Variants in UGDH observed in about 807,000 individuals in gnomAD.
UGDH encodes the protein UDP-Glc dehydrogenase.
A neutral mutation model predicts 50.6 loss-of-function variants in UGDH; 38 were observed. The ratio of observed to expected loss-of-function variants is 0.75; its 90% CI spans 0.58 to 0.98. The LOEUF is 0.98. Among genes scored for constraint, UGDH ranks in the 50% least tolerant of loss-of-function variants. The probability of loss-of-function intolerance (pLI) is 0.00; values close to 1 mark genes in which losing one functional copy is unlikely to be tolerated. For synonymous variants in UGDH, 168 were observed against 199.9 expected, an observed-to-expected ratio of 0.84 and a Z score of 1.35; for missense variants, 465 against 606.2, an observed-to-expected ratio of 0.77 and a Z score of 2.45.
At chr4:39,518,381 C>T (rs12508542) in intron 2 of UGDH, among the ~76,000 whole-genome samples, 34,615 of 151,958 alleles carry the variant, frequency 0.23, 4,935 homozygotes, top group South Asian at 0.32. Flanking sequence ...CAGGGTCTCA[C>T]TTTGTTGCCC....
chr4:39,526,995 T>C, intron 1 of UGDH: 1 of 1,287,828 alleles, frequency 7.8e-7, no homozygotes, highest in Non-Finnish European at 1.0e-6. Context: ...GGCAGGGAAA[T>C]CTCATCCAAG....
At chr4:39,514,893 G>T (rs1311766161) in intron 2 of UGDH, among the ~76,000 whole-genome samples, 1 of 152,048 alleles carries the variant, frequency 6.6e-6, no homozygotes, top group African/African-American at 2.4e-5. Context: ...TGTTGGCTAG[G>T]ATGGTCTTGA....
intron 11 of UGDH, among the ~76,000 whole-genome samples, chr4:39,500,821 A>C (rs971867649): frequency 6.6e-6 from 1 of 151,270 alleles, no homozygotes; most frequent in Admixed American, 6.6e-5. Flanking sequence ...CACCTGGCTA[A>C]TTTTTGTATT....
intron 1 of UGDH, 74 bp from the exon 2 acceptor site, chr4:39,521,593 A>G: frequency 1.6e-6 from 2 of 1,228,318 alleles, no homozygotes; most frequent in East Asian, 3.0e-5. Context: ...TACATTAATT[A>G]TACTTTATAA....
chr4:39,505,904 T>TTA (rs1746007529), intron 7 of UGDH, among the ~76,000 whole-genome samples, 156 bp from the exon 8 acceptor site: 1 of 144,342 alleles, frequency 6.9e-6, no homozygotes, highest in African/African-American at 2.6e-5. Flanking sequence ...GCCTATGGAT[T>TTA]AAAAAAAAAA....
chr4:39,509,583 T>C (rs999942279), intron 6 of UGDH, among the ~76,000 whole-genome samples, 177 bp downstream of exon 6: 3 of 152,168 alleles, frequency 2.0e-5, no homozygotes, highest in African/African-American at 7.2e-5. Flanking sequence ...CTGCATGACT[T>C]TGAGCAAGTT....
At chr4:39,527,107 T>C (rs981871461) in intron 1 of UGDH, 176 bp downstream of exon 1, 2 of 1,289,048 alleles carry the variant, frequency 1.6e-6, no homozygotes, top group Non-Finnish European at 2.0e-6. Context: ...AGTTCCAAAA[T>C]GCGGTTCCCG....
In UGDH at chr4:39,504,403, TTC is replaced by T. The variant is rs1745948285; in HGVS notation, c.1263+12_1263+13del. 1 of 1,612,744 alleles carries T rather than the reference TTC, an allele frequency of 6.2e-7. No individual in the cohort carries two copies. Among genetic ancestry groups the T allele is most frequent in the African/African-American group, 1.3e-5 (1 of 74,910 alleles). ...CCTCTAGAATTTTCCTTAGTATCTT[TTC>T]TGTTACCTTACCTTAAACATGTCCC... is the stretch of plus-strand genomic sequence containing the variant. On this transcript the variant is annotated intron_variant, in intron 10 of 11. Transcript: ENST00000316423.
chr4:39,507,564 G>A (rs558429302), intron 7 of UGDH, among the ~76,000 whole-genome samples: 15 of 152,064 alleles, frequency 9.9e-5, no homozygotes, highest in Non-Finnish European at 1.6e-4. Flanking sequence ...TCAGGCTCCC[G>A]AAGTACAGGG....
chr4:39,524,595 C>T (rs1031344794), intron 1 of UGDH, among the ~76,000 whole-genome samples: 3 of 151,952 alleles, frequency 2.0e-5, no homozygotes, highest in Non-Finnish European at 4.4e-5. Context: ...CTCCGCCTCC[C>T]AGGTTCAAGT....
intron 11 of UGDH, among the ~76,000 whole-genome samples, chr4:39,502,135 G>A (rs1745842066): frequency 6.6e-6 from 1 of 151,838 alleles, no homozygotes; most frequent in Admixed American, 6.6e-5. Flanking sequence ...TTTTCCCTTA[G>A]ATGAGTAAAA....
rs769243823 is a variant in UGDH, at chr4:39,514,133, A to G, written c.214T>C (p.Ser72Pro). 1.1e-5 allele frequency: 18 copies of G among 1,576,406 alleles called. No individual in the cohort carries two copies. Among genetic ancestry groups the G allele is most frequent in the Admixed American group, 6.3e-5 (3 of 47,472 alleles). Reference protein sequence around the residue: ...ESCRGKNLFFSTNIDDAIKEA... With the variant: ...ESCRGKNLFFPTNIDDAIKEA... ...TTGATGGCATCATCAATATTGGTAG[A>G]AAAAAAAAGATTTTTTCCTCGACAG... The change falls in exon 3 of 12, where the codon TCT (serine) becomes CCT (proline). Residue 72 changes from serine (S) to proline (P), a missense_variant. Transcript: ENST00000316423.
intron 8 of UGDH, 27 bp downstream of exon 8, chr4:39,505,591 G>C (rs890196638): frequency 1.0e-5 from 16 of 1,562,358 alleles, no homozygotes; most frequent in Non-Finnish European, 1.4e-5. Flanking sequence ...ATCTCAAAAG[G>C]GTTGAAATAT....
At position 39,499,025 on chromosome 4, in the gene UGDH, CAA is replaced by C. The variant is rs1015309696; in HGVS notation, c.*1116_*1117del. The C allele has an allele frequency of 3.3e-5, 5 of 150,862 alleles. 1 individual carries two copies. The highest frequency in any genetic ancestry group is 7.3e-5 in the African/African-American group (3 of 41,158). 9.3% of individuals were successfully genotyped at this position (150,862 alleles called of 1,614,324 possible). A position where few individuals can be genotyped will look rare whatever the true frequency, so the allele number is the denominator to read the frequency against. On this transcript the variant is annotated 3_prime_UTR_variant, in exon 12 of 12. Transcript: ENST00000316423. The stretch of plus-strand genomic sequence containing the variant: ...ACATAAGAAAAAAGCAGACAGAAAA[CAA>C]AAAAAATTCTTATTTTAGAATGATG...
Position 39,510,503 on chromosome 4 carries a change from G to T in UGDH, c.513C>A (p.Asp171Glu). The T allele has an allele frequency of 6.2e-7, 1 of 1,614,094 alleles. No individual in the cohort carries two copies. The highest frequency in any genetic ancestry group is 8.5e-7 in the Non-Finnish European group (1 of 1,180,026). ...EFLAEGTAIK[D>E]LKNPDRVLIG... ...TCAGTACTCTGTCTGGGTTCTTTAG[G>T]TCCTTGATGGCTGTTCCCTCTGCCA... The change falls in exon 5 of 12, where the codon GAC becomes GAA. Residue 171 changes from aspartate (D) to glutamate (E), a missense_variant. Physicochemically the swap from Asp to Glu is conservative, Grantham distance 45. Transcript: ENST00000316423.
Position 39,500,116 on chromosome 4 carries a change from AAAAAT to A in UGDH, c.*22_*26del. The stretch of plus-strand genomic sequence containing the variant: ...TCCTGAAGTACCAAAAAAAAAAAAA[AAAAAT>A]CACAAATAAAAATGGCAATCTCTAC... On this transcript the variant is annotated 3_prime_UTR_variant, in exon 12 of 12. Coordinates refer to ENST00000316423, the MANE Select transcript of UGDH (RefSeq NM_003359.4). 1 of 1,449,978 alleles carries A rather than the reference AAAAAT, an allele frequency of 6.9e-7. No individual in the cohort carries two copies. The highest frequency in any genetic ancestry group is 1.3e-5 in the South Asian group (1 of 76,312). The allele number at this position is 1,449,978 out of a possible 1,614,324, so 89.8% of individuals were successfully genotyped here. A position where few individuals can be genotyped will look rare whatever the true frequency, so the allele number is the denominator to read the frequency against.
chr4:39,501,714 C>T (rs1358776766), intron 11 of UGDH, among the ~76,000 whole-genome samples: 3 of 152,152 alleles, frequency 2.0e-5, no homozygotes, highest in African/African-American at 2.4e-5. Flanking sequence ...CTCAAAGGGT[C>T]GTGGTAAGTA....
chr4:39,516,654 C>T (rs112935936), intron 2 of UGDH, among the ~76,000 whole-genome samples: 26 of 152,192 alleles, frequency 1.7e-4, no homozygotes, highest in Non-Finnish European at 3.1e-4. Context: ...CCAATGGTTC[C>T]GAGGTCTCTT....
chr4:39,505,478 G>A, intron 8 of UGDH, 108 bp from the exon 9 acceptor site: 1 of 1,137,884 alleles, frequency 8.8e-7, no homozygotes, highest in Non-Finnish European at 1.1e-6. Context: ...TGGTAGAGTG[G>A]TGAAGATATG....
Sources: gnomAD v4.1 joint callset for allele counts (sites outside exome capture counted in the v4.1 genomes callset) on GRCh38, gnomAD v4.1.1 for gene constraint, MANE v1.5 for transcripts, NCBI Gene and HGNC (gene_info 2026-07-23, HGNC 2026-07-21) for gene names.